RTN4: variants seen among roughly 807,000 people sequenced by gnomAD.
RTN4 encodes reticulon 4.
In RTN4, 32 loss-of-function variants were observed where a neutral mutation model predicts 90.4. The observed-to-expected ratio is 0.35, with a 90% CI of 0.27 to 0.48. The LOEUF is 0.48. Among genes scored for constraint, RTN4 ranks in the 20% least tolerant of loss-of-function variants. RTN4 has a pLI of 0.99. For synonymous variants in RTN4, 629 were observed against 552.5 expected, an observed-to-expected ratio of 1.14 and a Z score of -1.94; for missense variants, 1,706 against 1,430.2, an observed-to-expected ratio of 1.19 and a Z score of -3.11.
At chr2:54,985,030 G>A (rs1365796719) in intron 4 of RTN4, among the ~76,000 whole-genome samples, 3 of 151,686 alleles carry the variant, frequency 2.0e-5, no homozygotes, top group South Asian at 2.1e-4. Context: ...CAAATGATGT[G>A]TAAAATTGGA....
At chr2:55,009,173 T>A (rs1438935023) in intron 3 of RTN4, among the ~76,000 whole-genome samples, 6 of 152,112 alleles carry the variant, frequency 3.9e-5, no homozygotes, top group African/African-American at 1.4e-4. Flanking sequence ...TAGAAGGAAA[T>A]AATTTTTTTT....
intron 3 of RTN4, among the ~76,000 whole-genome samples, chr2:55,001,959 T>C (rs564309393): frequency 2.6e-4 from 39 of 152,182 alleles, no homozygotes; most frequent in Non-Finnish European, 4.1e-4. Flanking sequence ...GCTGTGATTA[T>C]AAACTAAATT....
At chr2:55,065,264 A>G (rs576839687) in intron 2 of RTN4, among the ~76,000 whole-genome samples, 2 of 152,320 alleles carry the variant, frequency 1.3e-5, no homozygotes, top group South Asian at 2.1e-4. Flanking sequence ...TTACATTTCT[A>G]TAACTAAAAG....
chr2:54,979,031 CTTAAGA>C (rs762763700), intron 5 of RTN4, among the ~76,000 whole-genome samples: 65 of 151,586 alleles, frequency 4.3e-4, no homozygotes, highest in Admixed American at 7.2e-4. Context: ...TATTAAGGAA[CTTAAGA>C]TTAAGATTTT....
At chr2:54,980,050 A>G (rs1677991773) in intron 5 of RTN4, among the ~76,000 whole-genome samples, 1 of 152,222 alleles carries the variant, frequency 6.6e-6, no homozygotes, top group African/African-American at 2.4e-5. Flanking sequence ...AATCTGTCTC[A>G]TCATGTGTTA....
rs200273488 is a variant in RTN4 at position 55,050,034 on chromosome 2, C to T, written c.267G>A (p.Ala89=). 6.4e-6 allele frequency: 9 copies of T among 1,397,072 alleles called. No homozygotes were observed. The highest frequency in any genetic ancestry group is 8.3e-6 in the Non-Finnish European group (9 of 1,082,562). 86.5% of individuals were successfully genotyped at this position (1,397,072 alleles called of 1,614,324 possible). ...GAGCGGCCGGCAGGGGTCCCCGGGG[C>T]GCCGGCGGCACGAAGTCATTTCCGA... The part of the protein sequence containing the change: ...MDFGNDFVPP[A]PRGPLPAAPP... The change falls in exon 1 of 9, where the codon GCG becomes GCA. Residue 89 remains alanine, a synonymous_variant. Coordinates refer to ENST00000337526, the MANE Select transcript of RTN4 (RefSeq NM_020532.5). The surrounding 1 kb of genome is among the most constrained non-coding windows in gnomAD (Gnocchi z 4.6).
chr2:55,036,225 AT>A (rs1348956872), intron 1 of RTN4, among the ~76,000 whole-genome samples: 4 of 152,176 alleles, frequency 2.6e-5, no homozygotes, highest in Non-Finnish European at 4.4e-5. Flanking sequence ...ATAGTAGCAG[AT>A]TGAATCCAGC....
upstream of RTN4, among the ~76,000 whole-genome samples, chr2:55,113,624 G>A (rs923823292): frequency 1.3e-5 from 2 of 152,146 alleles, no homozygotes; most frequent in African/African-American, 4.8e-5. Context: ...GACCTGTAGG[G>A]TCCATGCAGT....
intron 1 of RTN4, among the ~76,000 whole-genome samples, chr2:55,100,941 A>T (rs960949143): frequency 1.3e-5 from 2 of 151,962 alleles, no homozygotes; most frequent in African/African-American, 2.4e-5. Flanking sequence ...TGACACTTAA[A>T]ACACTTTGGA....
the RTN4 span, among the ~76,000 whole-genome samples, chr2:55,123,238 T>C: frequency 1.3e-5 from 2 of 152,232 alleles, no homozygotes; most frequent in African/African-American, 2.4e-5. Flanking sequence ...GATTCTTGTA[T>C]GACCTCAGCA....
At chr2:54,993,845 GAACACCTGAGAGGCAATCT>G (rs1426431653) in intron 3 of RTN4, among the ~76,000 whole-genome samples, 1 of 151,820 alleles carries the variant, frequency 6.6e-6, no homozygotes, top group East Asian at 1.9e-4. Context: ...CCTAGAATAG[GAACACCTGAGAGGCAATCT>G]ACACTGCCAC....
intron 3 of RTN4, among the ~76,000 whole-genome samples, chr2:55,007,608 C>A (rs1415168905): frequency 3.3e-5 from 5 of 152,096 alleles, no homozygotes; most frequent in Non-Finnish European, 5.9e-5. Flanking sequence ...AACCCTAGAT[C>A]ACTGTTTCCC....
intron 1 of RTN4, among the ~76,000 whole-genome samples, chr2:55,037,769 C>A (rs991323357): frequency 6.6e-6 from 1 of 152,158 alleles, no homozygotes; most frequent in Non-Finnish European, 1.5e-5. Context: ...AAATTCATAA[C>A]AGGCATTTTA....
the RTN4 span, among the ~76,000 whole-genome samples, chr2:55,118,890 T>C: frequency 3.9e-5 from 6 of 152,360 alleles, no homozygotes; most frequent in African/African-American, 1.4e-4. Context: ...GCCTGCCTTT[T>C]CTCCTGTCTA....
chr2:55,071,721 G>A (rs199690398), intron 2 of RTN4, among the ~76,000 whole-genome samples: 10 of 152,076 alleles, frequency 6.6e-5, no homozygotes, highest in East Asian at 1.9e-4. Flanking sequence ...CAGCACTGCC[G>A]CAGTGCCTGT....
chr2:54,982,035 A>C (rs569577449), intron 5 of RTN4, among the ~76,000 whole-genome samples: 9 of 151,962 alleles, frequency 5.9e-5, no homozygotes, highest in African/African-American at 1.9e-4. Flanking sequence ...GCTCACCGAA[A>C]CCTCTGCCTC....
the RTN4 span, among the ~76,000 whole-genome samples, chr2:55,125,628 C>T: frequency 4.6e-5 from 7 of 151,992 alleles, no homozygotes; most frequent in South Asian, 2.1e-4. Flanking sequence ...TAGGTGGGCA[C>T]GGTGGCACAT....
chr2:55,029,233 C>T (rs1682130538), intron 1 of RTN4, among the ~76,000 whole-genome samples: 1 of 152,156 alleles, frequency 6.6e-6, no homozygotes, highest in African/African-American at 2.4e-5. Flanking sequence ...ACCTTGCCAG[C>T]ACCTTGATCT....
At chr2:55,047,037 C>T (rs1667791432) in intron 1 of RTN4, among the ~76,000 whole-genome samples, 1 of 152,198 alleles carries the variant, frequency 6.6e-6, no homozygotes, top group South Asian at 2.1e-4. Flanking sequence ...AATCATTAAA[C>T]TTCCTGTGGC....
Sources: gnomAD v4.1 joint callset for allele counts (sites outside exome capture counted in the v4.1 genomes callset) on GRCh38, gnomAD v4.1.1 for gene constraint, Gnocchi (gnomAD v3.1) non-coding constraint, MANE v1.5 for transcripts, NCBI Gene and HGNC (gene_info 2026-07-23, HGNC 2026-07-21) for gene names.